GDF5: variants seen among roughly 807,000 people sequenced by gnomAD.
The protein encoded by GDF5 is growth differentiation factor 5.
In GDF5, 17 loss-of-function variants were observed where a neutral mutation model predicts 34.6. The ratio of observed to expected loss-of-function variants is 0.49; its 90% confidence interval spans 0.34 to 0.74. GDF5 has a LOEUF of 0.74. Among genes scored for constraint, GDF5 ranks in the 30% least tolerant of loss-of-function variants. The probability of loss-of-function intolerance (pLI) is 0.01; values close to 1 mark genes in which losing one functional copy is unlikely to be tolerated. For missense variants in GDF5, 616 were observed against 661.2 expected (o/e 0.93, Z 0.75); for synonymous variants, 332 against 290.7 (o/e 1.14, Z -1.44).
upstream of GDF5, among the ~76,000 whole-genome samples, chr20:35,438,516 C>T (rs1258001121): frequency 3.9e-5 from 6 of 152,188 alleles, no homozygotes; most frequent in South Asian, 2.1e-4. Flanking sequence ...CATTTAAGTG[C>T]GATATATTTA....
In GDF5 at chr20:35,437,235, G is replaced by A. The variant is rs1442958501; in HGVS notation, c.631+63C>T. ...CCAGGGCAGTGCCAGGGCTTTGAAA[G>A]CCCCTCCATTCATGCAGATGCCCCT... On this transcript the variant is annotated intron_variant, in intron 1 of 1. Transcript: ENST00000374369. The A allele has an allele frequency of 3.4e-6, 4 of 1,193,582 alleles. No individual in the cohort carries two copies. In the South Asian group the frequency reaches 5.2e-5, roughly 15 times the overall value. 73.9% of individuals were successfully genotyped at this position (1,193,582 alleles called of 1,614,324 possible).
At chr20:35,441,547 C>T (rs556546379), upstream of GDF5, among the ~76,000 whole-genome samples, 1 of 151,334 alleles carries the variant, frequency 6.6e-6, no homozygotes, top group Non-Finnish European at 1.5e-5. Flanking sequence ...CTCCACCCCC[C>T]GGGTTCAAGT....
Position 35,434,016 on chromosome 20 carries a change from C to T in GDF5, c.1399G>A (p.Val467Met), listed in dbSNP as rs773181009. ...DPESTPPTCC[V>M]PTRLSPISIL... ...CTGATGGGACTCAGCCGCGTGGGCA[C>T]ACAGCAGGTGGGTGGTGTGGACTCG... is the stretch of plus-strand genomic sequence containing the variant. The change falls in exon 2 of 2, where the codon GTG becomes ATG. Residue 467 changes from valine to methionine, a missense_variant. Transcript: ENST00000374369. 1.8e-5 allele frequency: 29 copies of T among 1,614,054 alleles called. No homozygotes were observed. The highest frequency in any genetic ancestry group is 5.3e-5 in the African/African-American group (4 of 74,936).
intron 1 of GDF5, among the ~76,000 whole-genome samples, chr20:35,447,967 T>C (rs1211922897): frequency 1.4e-5 from 2 of 146,444 alleles, no homozygotes; most frequent in African/African-American, 2.5e-5. Flanking sequence ...AAAAAAAAAA[T>C]TTAAACACCT....
intron 1 of GDF5, among the ~76,000 whole-genome samples, chr20:35,451,130 G>GAAATTTC (rs1430373481): frequency 7.4e-6 from 1 of 135,996 alleles, no homozygotes; most frequent in East Asian, 2.0e-4. Context: ...ACCTCATTTT[G>GAAATTTC]AAATTTCACA....
In GDF5 at chr20:35,437,780, C is replaced by G. The variant is rs1308145900; in HGVS notation, c.149G>C (p.Arg50Thr). 1 of 1,613,182 alleles carries G rather than the reference C, an allele frequency of 6.2e-7. No homozygotes were observed. The highest frequency in any genetic ancestry group is 8.5e-7 in the Non-Finnish European group (1 of 1,179,590). The change falls in exon 1 of 2, where the codon AGG becomes ACG. Residue 50 changes from arginine (R) to threonine (T), a missense_variant. Arg to Thr is a moderately conservative substitution (Grantham distance 71). Transcript: ENST00000374369. ...PGLAKAEAKERPPLARNVFRP... is the reference protein window; with the variant it reads ...PGLAKAEAKETPPLARNVFRP... ...GAAGACGTTCCGGGCCAGGGGGGGCCTCTCCTTGGCCTCTGCTTTGGCCAA... is the reference window on the plus strand; with the variant it reads ...GAAGACGTTCCGGGCCAGGGGGGGCGTCTCCTTGGCCTCTGCTTTGGCCAA...
At chr20:35,453,975 C>T (rs778051483) in intron 1 of GDF5, 4 of 534,642 alleles carry the variant, frequency 7.5e-6, no homozygotes, top group South Asian at 2.8e-5. Flanking sequence ...ATCAGAATCA[C>T]CCTGGGTACT....
At chr20:35,441,413 G>T (rs1003443493), upstream of GDF5, 1 of 149,800 alleles carries the variant, frequency 6.7e-6, no homozygotes, top group Non-Finnish European at 1.5e-5. Context: ...AAATTAAATT[G>T]CATAAAGTGA....
At chr20:35,453,754 T>C (rs1264721770) in intron 1 of GDF5, among the ~76,000 whole-genome samples, 1 of 152,268 alleles carries the variant, frequency 6.6e-6, no homozygotes. Context: ...TTTTAAGCGT[T>C]CCTTTCTCAG....
At chr20:35,451,155 T>A (rs1055260144) in intron 1 of GDF5, among the ~76,000 whole-genome samples, 1 of 148,558 alleles carries the variant, frequency 6.7e-6, no homozygotes, top group Non-Finnish European at 1.5e-5. Context: ...TATATATATA[T>A]ATTTTTTAAT....
upstream of GDF5, chr20:35,441,260 G>A (rs921083117): frequency 4.6e-5 from 7 of 152,176 alleles, no homozygotes; most frequent in Admixed American, 2.0e-4. Flanking sequence ...GAGATTCAAT[G>A]AAGTAAATTG....
upstream of GDF5, among the ~76,000 whole-genome samples, chr20:35,442,292 G>GTAC (rs1338807121): frequency 6.6e-6 from 1 of 151,920 alleles, no homozygotes; most frequent in Admixed American, 6.6e-5. Context: ...GATTACAGAT[G>GTAC]TGTACCACCA....
At chr20:35,434,930 C>T (rs1400246870) in intron 1 of GDF5, 147 bp from the exon 2 acceptor site, 1 of 840,574 alleles carries the variant, frequency 1.2e-6, no homozygotes, top group Non-Finnish European at 2.1e-6. Flanking sequence ...AAGAGCCAAA[C>T]CACTGAGAGC....
chr20:35,449,351 C>G (rs1203402698), intron 1 of GDF5, among the ~76,000 whole-genome samples: 1 of 151,962 alleles, frequency 6.6e-6, no homozygotes, highest in Non-Finnish European at 1.5e-5. Flanking sequence ...ACACAGCTCA[C>G]TGCAGCCTCA....
At chr20:35,438,853 G>GTA (rs1555823692), upstream of GDF5, among the ~76,000 whole-genome samples, 1 of 24,156 alleles carries the variant, frequency 4.1e-5, no homozygotes, top group Non-Finnish European at 1.4e-4. Context: ...GTGTGTGTGT[G>GTA]TGTGTGTTTA....
intron 1 of GDF5, among the ~76,000 whole-genome samples, chr20:35,447,779 C>T (rs2062518460): frequency 6.6e-6 from 1 of 152,056 alleles, no homozygotes; most frequent in Non-Finnish European, 1.5e-5. Flanking sequence ...TGATCAGTCT[C>T]CTAGATGACT....
In GDF5 at chr20:35,454,638, G is replaced by C. The variant is rs561316489; in HGVS notation, c.-398+2C>G. 6.6e-6 allele frequency: 1 copy of C among 152,370 alleles called. No homozygotes were observed. The highest frequency in any genetic ancestry group is 2.1e-4 in the South Asian group (1 of 4,838). 9.4% of individuals were successfully genotyped at this position (152,370 alleles called of 1,614,324 possible). A position where few individuals can be genotyped will look rare whatever the true frequency, so the allele number is the denominator to read the frequency against. ...AAACCGAGTGTTGAGTAAGTAACTC[G>C]CCTGTAAGTGTTATGCTGCCTGAAG... On this transcript the variant is annotated splice_donor_variant, in intron 1 of 3. Transcript: ENST00000374372. LOFTEE classifies it low-confidence loss of function (5UTR_SPLICE).
At position 35,437,507 on chromosome 20, in the gene GDF5, G is replaced by A. The variant is rs1222173717; in HGVS notation, c.422C>T (p.Pro141Leu). The change falls in exon 1 of 2, where the codon CCC becomes CTC. Residue 141 changes from proline to leucine, a missense_variant. By Grantham distance (98) the Pro-to-Leu change is moderately conservative. Coordinates refer to ENST00000374369, the MANE Select transcript of GDF5 (RefSeq NM_000557.5). ...GKAPPKAGSV[P>L]SSFLLKKARE... is the part of the protein sequence containing the mutation. ...GGCCTTCTTCAGCAGGAAGGAGCTGGGGACAGATCCTGCTTTTGGGGGTGC... is the reference window on the plus strand; with the variant it reads ...GGCCTTCTTCAGCAGGAAGGAGCTGAGGACAGATCCTGCTTTTGGGGGTGC... 1 of 1,613,998 alleles carries A rather than the reference G, an allele frequency of 6.2e-7. No individual in the cohort carries two copies. Among genetic ancestry groups the A allele is most frequent in the African/African-American group, 1.3e-5 (1 of 74,928 alleles).
In GDF5 at chr20:35,437,435, G is replaced by A. The variant is rs538869688; in HGVS notation, c.494C>T (p.Pro165Leu). 2.5e-6 allele frequency: 4 copies of A among 1,613,862 alleles called. No individual in the cohort carries two copies. The highest frequency in any genetic ancestry group is 2.7e-5 in the African/African-American group (2 of 75,054). ...CATGTACTCGTGGGGTGTGATGGGG[G>A]GTGGGCGAAACGGCTCCTTGGGCTC... ...PREPKEPFRP[P>L]PITPHEYMLS... Residue 165 changes from proline to leucine, a missense_variant, in exon 1 of 2, where the codon CCC (proline) becomes CTC (leucine). Pro to Leu is a moderately conservative substitution (Grantham distance 98, BLOSUM62 -3). Transcript: ENST00000374369.
Sources: gnomAD v4.1 joint callset for allele counts (sites outside exome capture counted in the v4.1 genomes callset) on GRCh38, gnomAD v4.1.1 for gene constraint, MANE v1.5 for transcripts, NCBI Gene and HGNC (gene_info 2026-07-23, HGNC 2026-07-21) for gene names.